Variants in OSBPL6 observed in about 807,000 individuals in gnomAD.
OSBPL6 encodes oxysterol-binding protein-related protein 6.
Under a neutral mutation model 125.8 loss-of-function variants are expected in OSBPL6, and 49 were observed. The observed-to-expected ratio is 0.39, with a 90% CI of 0.31 to 0.49. The LOEUF is 0.49. Among genes scored for constraint, OSBPL6 ranks in the 20% least tolerant of loss-of-function variants. OSBPL6 has a pLI of 0.88. For missense variants in OSBPL6, 986 were observed against 1,135.4 expected, an observed-to-expected ratio of 0.87 and a Z score of 1.89; for synonymous variants, 394 against 391.8, an observed-to-expected ratio of 1.01 and a Z score of -0.07.
intron 1 of OSBPL6, among the ~76,000 whole-genome samples, chr2:178,277,627 A>G (rs78560154): frequency 0.026 from 3,919 of 152,362 alleles, 92 homozygotes; most frequent in Non-Finnish European, 0.041. Context: ...ATTAGCATTT[A>G]TAAATAAAAT....
chr2:178,250,946 C>A (rs1181942820), intron 1 of OSBPL6, among the ~76,000 whole-genome samples: 1 of 150,166 alleles, frequency 6.7e-6, no homozygotes, highest in Non-Finnish European at 1.5e-5. Context: ...AGACATTCAT[C>A]AAATATTGGA....
chr2:178,209,597 T>G (rs1292580607), intron 1 of OSBPL6, among the ~76,000 whole-genome samples: 1 of 152,158 alleles, frequency 6.6e-6, no homozygotes, highest in African/African-American at 2.4e-5. Context: ...GATCTGTGTT[T>G]CATGTTTGAG....
At chr2:178,219,580 A>C (rs919460463) in intron 1 of OSBPL6, among the ~76,000 whole-genome samples, 2 of 152,200 alleles carry the variant, frequency 1.3e-5, no homozygotes, top group African/African-American at 4.8e-5. Context: ...GGAAACTGAA[A>C]TATGTGTCAG....
intron 1 of OSBPL6, among the ~76,000 whole-genome samples, chr2:178,280,630 C>T (rs911663627): frequency 1.4e-4 from 22 of 152,156 alleles, no homozygotes; most frequent in African/African-American, 5.1e-4. Context: ...CATTTAATAG[C>T]AAAATAGACA....
chr2:178,358,872 A>G (rs1043733408), intron 12 of OSBPL6, among the ~76,000 whole-genome samples: 9 of 152,216 alleles, frequency 5.9e-5, no homozygotes, highest in Non-Finnish European at 1.3e-4. Context: ...TTTGCAAACC[A>G]TGTATCAGAT....
Position 178,368,966 on chromosome 2 carries a change from T to A in OSBPL6, c.1288-3160T>A, listed in dbSNP as rs946966653. On this transcript the variant is annotated intron_variant, in intron 13 of 24. Coordinates refer to ENST00000190611, the MANE Select transcript of OSBPL6 (RefSeq NM_032523.4). ...CGTGTGCCACCTCACCCAGCTAATT[T>A]TTGTATTGTTAGTAGAGTTGGGGTT... Among the ~76,000 whole-genome samples the A allele has an allele frequency of 2.0e-5, 3 of 152,058 alleles. No individual in the cohort carries two copies. In the South Asian group the frequency reaches 6.2e-4, roughly 32 times the overall value.
chr2:178,347,708 G>T (rs906480741), intron 11 of OSBPL6, among the ~76,000 whole-genome samples: 1 of 152,074 alleles, frequency 6.6e-6, no homozygotes, highest in Non-Finnish European at 1.5e-5. Flanking sequence ...GGCCACTTCT[G>T]GGTCTCAAAT....
intron 2 of OSBPL6, among the ~76,000 whole-genome samples, chr2:178,300,125 T>A (rs1377265564): frequency 6.6e-6 from 1 of 152,190 alleles, no homozygotes; most frequent in Non-Finnish European, 1.5e-5. Context: ...TTGAGGAAAA[T>A]CTAGCCAAGT....
intron 2 of OSBPL6, among the ~76,000 whole-genome samples, chr2:178,300,583 C>A (rs1686185781): frequency 6.6e-6 from 1 of 152,228 alleles, no homozygotes; most frequent in African/African-American, 2.4e-5. Flanking sequence ...GCCTCAGCCT[C>A]CCGAATAGCC....
intron 1 of OSBPL6, among the ~76,000 whole-genome samples, chr2:178,215,943 T>C (rs925976315): frequency 6.6e-6 from 1 of 152,132 alleles, no homozygotes; most frequent in Non-Finnish European, 1.5e-5. Flanking sequence ...TTTCATTTAT[T>C]GGTTTGGAGG....
chr2:178,243,299 A>T (rs2091362016), intron 1 of OSBPL6, among the ~76,000 whole-genome samples: 1 of 152,194 alleles, frequency 6.6e-6, no homozygotes, highest in Non-Finnish European at 1.5e-5. Flanking sequence ...GAAATGGCAC[A>T]TATGCTTCAT....
chr2:178,394,698 C>T lies in OSBPL6; in HGVS notation c.2696+263C>T, dbSNP rs1353110819. On this transcript the variant is annotated intron_variant, in intron 24 of 24. Transcript: ENST00000190611. ...AGGCTCTTTGTCCTTCAGCTGCACT[C>T]TTTAGAATGGTGGAAACTGGTTCCC... is the stretch of plus-strand genomic sequence containing the variant. 2.0e-5 allele frequency among the ~76,000 whole-genome samples: 3 copies of T among 152,146 alleles called. No homozygotes were observed. In the South Asian group the frequency reaches 6.2e-4, roughly 32 times the overall value.
chr2:178,254,511 A>G (rs188616923), intron 1 of OSBPL6, among the ~76,000 whole-genome samples: 1 of 152,350 alleles, frequency 6.6e-6, no homozygotes, highest in East Asian at 1.9e-4. Flanking sequence ...TCTGAATGTC[A>G]GAAAAGGAAT....
intron 2 of OSBPL6, among the ~76,000 whole-genome samples, chr2:178,299,017 A>G (rs1473165736): frequency 1.3e-5 from 2 of 152,188 alleles, no homozygotes; most frequent in African/African-American, 4.8e-5. Flanking sequence ...ATTGTTGCCA[A>G]AAAGTCTTAG....
intron 12 of OSBPL6, among the ~76,000 whole-genome samples, chr2:178,351,552 A>AT (rs1174800753): frequency 1.3e-5 from 2 of 152,244 alleles, no homozygotes; most frequent in African/African-American, 4.8e-5. Context: ...ACTGAGAACT[A>AT]TAAAAAAAAT....
chr2:178,304,052 A>G (rs906172471), intron 2 of OSBPL6, among the ~76,000 whole-genome samples: 4 of 152,224 alleles, frequency 2.6e-5, no homozygotes, highest in African/African-American at 9.6e-5. Context: ...TAAAGAACAT[A>G]AATTTCTTTC....
chr2:178,323,154 A>G (rs1688392861), intron 3 of OSBPL6, among the ~76,000 whole-genome samples: 1 of 152,212 alleles, frequency 6.6e-6, no homozygotes, highest in Admixed American at 6.5e-5. Context: ...CCGCTTTAGA[A>G]AGATCATATC....
In OSBPL6 at chr2:178,358,491, A is replaced by G. The variant is rs192761704; in HGVS notation, c.1154-3191A>G. Reference sequence around the variant, plus strand: ...TTCAACAAAGGCACCAAAAAGGCACAATGAGAAAAGGATAGTTTGTTCAAT... The same window carrying G: ...TTCAACAAAGGCACCAAAAAGGCACGATGAGAAAAGGATAGTTTGTTCAAT... On this transcript the variant is annotated intron_variant, in intron 12 of 24. Transcript: ENST00000190611. Among the ~76,000 whole-genome samples the G allele has an allele frequency of 2.3e-3, 355 of 152,068 alleles. 1 individual carries two copies. The highest frequency in any genetic ancestry group is 4.3e-3 in the Non-Finnish European group (292 of 68,024).
chr2:178,402,065 ACTGCC>A lies in OSBPL6; in HGVS notation c.*6510_*6514del, dbSNP rs374866583. Reference sequence around the variant, plus strand: ...TGCCGCTGTGAGCTATGATTGCACCACTGCCCTGAGCCTGGACGACAGAGCAAGTT... The same window carrying A: ...TGCCGCTGTGAGCTATGATTGCACCACTGAGCCTGGACGACAGAGCAAGTT... On this transcript the variant is annotated 3_prime_UTR_variant, in exon 25 of 25. Coordinates refer to ENST00000190611, the MANE Select transcript of OSBPL6 (RefSeq NM_032523.4). The A allele has an allele frequency of 2.6e-5, 4 of 152,212 alleles. No individual in the cohort carries two copies. The East Asian group carries it at 7.7e-4, about 29-fold the overall frequency. 9.4% of individuals were successfully genotyped at this position (152,212 alleles called of 1,614,324 possible). A position where few individuals can be genotyped will look rare whatever the true frequency, so the allele number is the denominator to read the frequency against.
Sources: gnomAD v4.1 joint callset for allele counts (sites outside exome capture counted in the v4.1 genomes callset) on GRCh38, gnomAD v4.1.1 for gene constraint, MANE v1.5 for transcripts, NCBI Gene and HGNC (gene_info 2026-07-23, HGNC 2026-07-21) for gene names.